The following KIAA1328 variants were observed in gnomAD, a reference collection of about 807,000 sequenced individuals.
KIAA1328 encodes the protein protein hinderin.
Under a neutral mutation model 68.1 loss-of-function variants are expected in KIAA1328, and 52 were observed. The observed-to-expected ratio is 0.76, with a 90% confidence interval of 0.61 to 0.96. KIAA1328 has a LOEUF of 0.96. Among genes scored for constraint, KIAA1328 ranks in the 40% least tolerant of loss-of-function variants. The probability of loss-of-function intolerance (pLI) is 0.00; values close to 1 mark genes in which losing one functional copy is unlikely to be tolerated. For synonymous variants in KIAA1328, 232 were observed against 239.4 expected, an observed-to-expected ratio of 0.97 and a Z score of 0.28; for missense variants, 641 against 677.6, an observed-to-expected ratio of 0.95 and a Z score of 0.60.
At chr18:37,225,370 C>T, downstream of KIAA1328, 1 of 931,646 alleles carries the variant, frequency 1.1e-6, no homozygotes. Flanking sequence ...TTGAACATCC[C>T]TCATCAGATC....
intron 5 of KIAA1328, among the ~76,000 whole-genome samples, chr18:36,938,632 T>C (rs767206419): frequency 1.3e-5 from 2 of 152,212 alleles, no homozygotes; most frequent in Non-Finnish European, 2.9e-5. Context: ...TTGCCTGTTC[T>C]TTTGATGTCA....
chr18:37,202,581 A>G (rs1446640263), intron 9 of KIAA1328, among the ~76,000 whole-genome samples: 1 of 152,190 alleles, frequency 6.6e-6, no homozygotes, highest in Non-Finnish European at 1.5e-5. Context: ...CTGGATGATG[A>G]AAGACTTAGA....
chr18:36,935,813 C>T (rs1285681661), intron 5 of KIAA1328, among the ~76,000 whole-genome samples: 1 of 152,040 alleles, frequency 6.6e-6, no homozygotes, highest in Non-Finnish European at 1.5e-5. Flanking sequence ...GAACAAAGGT[C>T]ATTTGATCAA....
chr18:37,156,422 G>A (rs1446819678), intron 7 of KIAA1328, among the ~76,000 whole-genome samples: 2 of 69,638 alleles, frequency 2.9e-5, no homozygotes, highest in East Asian at 4.0e-4. Flanking sequence ...GAGAAACTCC[G>A]CCTCAAAAAA....
rs566649907 is a variant in KIAA1328, at chr18:37,048,365, A to G, written c.577-18525A>G. ...AATGCTGTATGTCTCCAAATGTGCT[A>G]TCCTTCTTTATGATGTGAGAGTCAC... On this transcript the variant is annotated intron_variant, in intron 6 of 9. Coordinates refer to ENST00000280020, the MANE Select transcript of KIAA1328 (RefSeq NM_020776.3). Among the ~76,000 whole-genome samples the G allele has an allele frequency of 4.7e-4, 71 of 152,170 alleles. 1 individual carries two copies. The highest frequency in any genetic ancestry group is 1.6e-3 in the African/African-American group (68 of 41,516).
chr18:36,841,766 G>A (rs1164168314), intron 3 of KIAA1328, among the ~76,000 whole-genome samples: 5 of 152,170 alleles, frequency 3.3e-5, no homozygotes, highest in Admixed American at 6.5e-5. Context: ...GGCCAGATTC[G>A]GCTTGCAGCC....
rs533751420 is a variant in KIAA1328 at position 36,982,199 on chromosome 18, T to C, written c.576+22764T>C. 1.9e-3 allele frequency among the ~76,000 whole-genome samples: 272 copies of C among 144,462 alleles called. 2 individuals are homozygous for C. In the South Asian group the frequency reaches 0.025, roughly 13 times the overall value. The allele number at this position is 144,462 out of a possible 152,430, so 94.8% of individuals were successfully genotyped here. The stretch of plus-strand genomic sequence containing the variant: ...TATAACTGGAGTTCCTGAAGGAGAG[T>C]TGTGAGCAGAAAACTTTTGAAGAAA... On this transcript the variant is annotated intron_variant, in intron 6 of 9. Transcript: ENST00000280020.
intron 7 of KIAA1328, among the ~76,000 whole-genome samples, chr18:37,122,387 A>G (rs2058293461): frequency 6.6e-6 from 1 of 152,050 alleles, no homozygotes; most frequent in Admixed American, 6.6e-5. Context: ...TGAAGGGGAG[A>G]AGAAGCAGGG....
intron 7 of KIAA1328, among the ~76,000 whole-genome samples, chr18:37,091,021 G>A (rs1024407726): frequency 6.6e-5 from 10 of 152,028 alleles, no homozygotes; most frequent in African/African-American, 1.9e-4. Context: ...GAATATAGAC[G>A]TTCTCTTGAA....
At chr18:37,188,106 T>C (rs1295407975) in intron 9 of KIAA1328, among the ~76,000 whole-genome samples, 1 of 152,210 alleles carries the variant, frequency 6.6e-6, no homozygotes, top group African/African-American at 2.4e-5. Flanking sequence ...GTATGGACTT[T>C]CACTCGAATG....
intron 7 of KIAA1328, among the ~76,000 whole-genome samples, chr18:37,153,064 A>G (rs186087072): frequency 1.6e-4 from 25 of 152,296 alleles, no homozygotes; most frequent in African/African-American, 6.0e-4. Flanking sequence ...TCTGCAAAAT[A>G]AAAAATTAGG....
intron 9 of KIAA1328, among the ~76,000 whole-genome samples, chr18:37,187,475 G>A (rs536042815): frequency 5.5e-4 from 83 of 152,282 alleles, no homozygotes; most frequent in Non-Finnish European, 1.0e-3. Context: ...AGACAAAATT[G>A]TATACAGTTG....
chr18:37,149,605 A>G (rs2058982301), intron 7 of KIAA1328, among the ~76,000 whole-genome samples: 1 of 152,198 alleles, frequency 6.6e-6, no homozygotes, highest in South Asian at 2.1e-4. Context: ...CAGTTGTAAC[A>G]CTATGGTAAG....
At chr18:37,080,269 T>G (rs2056905339) in intron 7 of KIAA1328, among the ~76,000 whole-genome samples, 1 of 152,218 alleles carries the variant, frequency 6.6e-6, no homozygotes, top group Non-Finnish European at 1.5e-5. Flanking sequence ...TTGAGTTCCT[T>G]TACTTGAAAG....
chr18:37,111,649 C>T (rs776574396), intron 7 of KIAA1328, among the ~76,000 whole-genome samples: 4 of 152,302 alleles, frequency 2.6e-5, no homozygotes, highest in Non-Finnish European at 2.9e-5. Flanking sequence ...CCAACTGAGG[C>T]GCCTGGTTCA....
chr18:37,110,508 T>TGAAAG (rs1234347243), intron 7 of KIAA1328, among the ~76,000 whole-genome samples: 1 of 152,250 alleles, frequency 6.6e-6, no homozygotes, highest in Non-Finnish European at 1.5e-5. Flanking sequence ...ATAAAATTTT[T>TGAAAG]GATGCCATAA....
chr18:37,224,180 C>G lies in KIAA1328; in HGVS notation c.*1953C>G. On this transcript the variant is annotated 3_prime_UTR_variant, in exon 10 of 10. Transcript: ENST00000280020. The stretch of plus-strand genomic sequence containing the variant: ...GTGTACTTGACTCCCATAGACTACT[C>G]CCATGCCCACAGTCACCCATTCCAG... 1.0e-6 allele frequency: 1 copy of G among 985,396 alleles called. No individual in the cohort carries two copies. Among genetic ancestry groups the G allele is most frequent in the Non-Finnish European group, 1.2e-6 (1 of 829,922 alleles). 61.0% of individuals were successfully genotyped at this position (985,396 alleles called of 1,614,324 possible). A position where few individuals can be genotyped will look rare whatever the true frequency, so the allele number is the denominator to read the frequency against.
chr18:36,940,953 C>T (rs2050688750), intron 5 of KIAA1328, among the ~76,000 whole-genome samples: 1 of 152,114 alleles, frequency 6.6e-6, no homozygotes, highest in Non-Finnish European at 1.5e-5. Flanking sequence ...GAATTATAGG[C>T]ATGAGCCACC....
At chr18:36,883,451 C>T (rs1338652499) in intron 4 of KIAA1328, among the ~76,000 whole-genome samples, 5 of 152,258 alleles carry the variant, frequency 3.3e-5, no homozygotes, top group Admixed American at 2.6e-4. Flanking sequence ...TCTCCTATGC[C>T]AGCAATCCTA....
Sources: gnomAD v4.1 joint callset for allele counts (sites outside exome capture counted in the v4.1 genomes callset) on GRCh38, gnomAD v4.1.1 for gene constraint, MANE v1.5 for transcripts, NCBI Gene and HGNC (gene_info 2026-07-23, HGNC 2026-07-21) for gene names.